The following PLA2G4D variants were observed in gnomAD, a reference collection of about 807,000 sequenced individuals.
The protein encoded by PLA2G4D is cytosolic phospholipase A2 delta.
In PLA2G4D, 80 loss-of-function variants were observed where a neutral mutation model predicts 94.4. That is an observed-to-expected ratio of 0.85 (90% CI 0.71 to 1.02). The LOEUF (loss-of-function observed/expected upper bound fraction) is 1.02. Ranked by LOEUF, PLA2G4D falls within the 50% of genes least tolerant of loss-of-function variation. The pLI, the probability that PLA2G4D is intolerant of heterozygous loss-of-function variation, is 0.00. For missense variants in PLA2G4D, 1,050 were observed against 1,034.7 expected (o/e 1.01, Z -0.20); for synonymous variants, 438 against 440.9 (o/e 0.99, Z 0.08).
At chr15:42,080,933 G>A (rs1001558703) in intron 12 of PLA2G4D, 64 bp downstream of exon 12, 9 of 1,564,156 alleles carry the variant, frequency 5.8e-6, no homozygotes, top group Non-Finnish European at 7.8e-6. Context: ...TGTCCCTCTG[G>A]TGCCCACTCT....
At position 42,083,736 on chromosome 15, in the gene PLA2G4D, CCTGTG is replaced by C. The variant is rs773531487; in HGVS notation, c.510_514del (p.Ser170ArgfsTer23). 3.1e-6 allele frequency: 5 copies of C among 1,614,034 alleles called. No individual in the cohort carries two copies. On this transcript the variant is annotated frameshift_variant, in exon 7 of 20. Coordinates refer to ENST00000290472, the MANE Select transcript of PLA2G4D (RefSeq NM_178034.4). LOFTEE classifies it high-confidence loss of function. ...CTCACCTGCAACCACAGCGGTGCTCCCTGTGCTGTCCAGATGCACATCCAGGCATG... is the reference window on the plus strand; with the variant it reads ...CTCACCTGCAACCACAGCGGTGCTCCCTGTCCAGATGCACATCCAGGCATG...
intron 1 of PLA2G4D, among the ~76,000 whole-genome samples, chr15:42,093,715 T>A (rs1343184057): frequency 6.6e-6 from 1 of 152,004 alleles, no homozygotes; most frequent in Non-Finnish European, 1.5e-5. Flanking sequence ...TGGGCCTGGG[T>A]CTCAGGGCCA....
intron 13 of PLA2G4D, among the ~76,000 whole-genome samples, chr15:42,074,154 A>G (rs1404056188): frequency 6.6e-6 from 1 of 152,186 alleles, no homozygotes; most frequent in African/African-American, 2.4e-5. Flanking sequence ...TGCACAATTT[A>G]TGCCCTAGGG....
chr15:42,083,979 A>G, intron 6 of PLA2G4D, 200 bp from the exon 7 acceptor site: 1 of 582,780 alleles, frequency 1.7e-6, no homozygotes, highest in Non-Finnish European at 3.1e-6. Context: ...CGCAGCAGCC[A>G]GGAGGGCCCT....
intron 2 of PLA2G4D, 46 bp from the exon 3 acceptor site, chr15:42,087,482 C>A (rs1466372583): frequency 1.8e-5 from 29 of 1,612,670 alleles, no homozygotes; most frequent in Non-Finnish European, 2.5e-5. Flanking sequence ...TCCCCACACC[C>A]CTCTCCATGA....
chr15:42,084,032 C>T lies in PLA2G4D; in HGVS notation c.472-253G>A. The T allele has an allele frequency of 1.9e-6, 1 of 518,940 alleles. No homozygotes were observed. Among genetic ancestry groups the T allele is most frequent in the Non-Finnish European group, 3.5e-6 (1 of 287,362 alleles). The allele number at this position is 518,940 out of a possible 1,614,324, so 32.1% of individuals were successfully genotyped here. On this transcript the variant is annotated intron_variant, in intron 6 of 19. Transcript: ENST00000290472. This position sits in a 1 kb window ranked among gnomAD's most constrained non-coding sequence, Gnocchi z 4.8. ...CCAGCTCCCCTGGCTTTGCCAAACT[C>T]CCGAAACCTCCTAGAGCGCCCAGCC...
intron 3 of PLA2G4D, among the ~76,000 whole-genome samples, chr15:42,086,839 C>T (rs1890159784): frequency 6.6e-6 from 1 of 152,148 alleles, no homozygotes; most frequent in Admixed American, 6.5e-5. Flanking sequence ...GCAATAAGAG[C>T]AAGACTCTGT....
At chr15:42,078,694 C>T (rs78876359) in intron 13 of PLA2G4D, among the ~76,000 whole-genome samples, 3,847 of 152,088 alleles carry the variant, frequency 0.025, 126 homozygotes, top group African/African-American at 0.074. Flanking sequence ...TTCTTCCTCC[C>T]CTCCCATGAT....
At position 42,084,602 on chromosome 15, in the gene PLA2G4D, T is replaced by C. The variant is rs1882336842; in HGVS notation, c.471+494A>G. 6.6e-6 allele frequency among the ~76,000 whole-genome samples: 1 copy of C among 152,032 alleles called. No individual in the cohort carries two copies. The highest frequency in any genetic ancestry group is 1.5e-5 in the Non-Finnish European group (1 of 67,984). On this transcript the variant is annotated intron_variant, in intron 6 of 19. Transcript: ENST00000290472. This position sits in a 1 kb window ranked among gnomAD's most constrained non-coding sequence, Gnocchi z 4.8. ...TGTCCACTGCAGCTTCGTGAGCCCG[T>C]GGTCAGGAGCGCTGACCAGGACTCT...
At chr15:42,083,995 C>T (rs916906901) in intron 6 of PLA2G4D, 1 of 563,756 alleles carries the variant, frequency 1.8e-6, no homozygotes, top group Non-Finnish European at 3.2e-6. Flanking sequence ...GCCCTGGCTC[C>T]ACACCTCCCC....
chr15:42,091,645 C>T (rs544102479), intron 1 of PLA2G4D, among the ~76,000 whole-genome samples: 173 of 151,676 alleles, frequency 1.1e-3, no homozygotes, highest in African/African-American at 4.1e-3. Flanking sequence ...GAGGGCCTGA[C>T]GTTAGGCTCG....
At chr15:42,082,132 A>C in intron 9 of PLA2G4D, 147 bp downstream of exon 9, 1 of 735,894 alleles carries the variant, frequency 1.4e-6, no homozygotes, top group Non-Finnish European at 2.2e-6. Flanking sequence ...GGGTTTTGCC[A>C]TGTTGGCCAG....
chr15:42,085,996 C>T (rs569963053), intron 4 of PLA2G4D, among the ~76,000 whole-genome samples: 1 of 152,370 alleles, frequency 6.6e-6, no homozygotes, highest in South Asian at 2.1e-4. Flanking sequence ...CTTCCTGCCA[C>T]AGGTGGCTAA....
chr15:42,079,427 G>T, intron 13 of PLA2G4D, 110 bp downstream of exon 13: 3 of 1,065,904 alleles, frequency 2.8e-6, no homozygotes, highest in Non-Finnish European at 4.0e-6. Context: ...CTAAAACACT[G>T]GCTCTTCCAC....
intron 12 of PLA2G4D, 101 bp downstream of exon 12, chr15:42,080,896 A>G: frequency 7.0e-7 from 1 of 1,419,290 alleles, no homozygotes. Context: ...CACAATGATC[A>G]CACCTACTTG....
intron 4 of PLA2G4D, among the ~76,000 whole-genome samples, chr15:42,085,813 A>T (rs1890132091): frequency 6.6e-6 from 1 of 152,204 alleles, no homozygotes; most frequent in South Asian, 2.1e-4. Context: ...AGCACAGCCA[A>T]AGGAGGCATG....
intron 4 of PLA2G4D, 127 bp downstream of exon 4, chr15:42,086,086 G>A (rs948227357): frequency 3.0e-6 from 3 of 1,013,100 alleles, no homozygotes; most frequent in Non-Finnish European, 4.2e-6. Flanking sequence ...ATCTAAAAAG[G>A]GGTTTAGATT....
intron 18 of PLA2G4D, 29 bp from the exon 19 acceptor site, chr15:42,070,124 A>G (rs1026970029): frequency 6.8e-7 from 1 of 1,470,236 alleles, no homozygotes; most frequent in South Asian, 1.4e-5. Flanking sequence ...CCCGGAGAGA[A>G]CCAGCCCGGC....
intron 1 of PLA2G4D, among the ~76,000 whole-genome samples, chr15:42,091,561 C>T (rs1033120135): frequency 8.0e-5 from 12 of 149,742 alleles, no homozygotes; most frequent in African/African-American, 2.9e-4. Context: ...ACATCTGCTA[C>T]TTAGCAGACC....
Sources: allele counts gnomAD v4.1 joint callset (sites outside exome capture counted in the v4.1 genomes callset), GRCh38; gene constraint gnomAD v4.1.1; non-coding constraint Gnocchi (gnomAD v3.1); transcripts MANE v1.5; gene names NCBI Gene and HGNC (gene_info 2026-07-23, HGNC 2026-07-21).